STX8: variants seen among roughly 807,000 people sequenced by gnomAD.
STX8 encodes syntaxin 8.
In STX8, 23 loss-of-function variants were observed where a neutral mutation model predicts 37.5. The observed-to-expected ratio is 0.61, with a 90% CI of 0.44 to 0.87. STX8 has a LOEUF of 0.87. Ranked by LOEUF, STX8 falls within the 40% of genes least tolerant of loss-of-function variation. The pLI is 0.00. For synonymous variants in STX8, 115 were observed against 99.1 expected, an observed-to-expected ratio of 1.16 and a Z score of -0.95; for missense variants, 313 against 284.7, an observed-to-expected ratio of 1.10 and a Z score of -0.71.
At chr17:9,288,702 A>G (rs1461078745) in intron 7 of STX8, among the ~76,000 whole-genome samples, 1 of 151,446 alleles carries the variant, frequency 6.6e-6, no homozygotes, top group African/African-American at 2.4e-5. Flanking sequence ...AAATAAATAA[A>G]TAAAAGAATT....
At chr17:9,277,322 G>A (rs535747089) in intron 7 of STX8, among the ~76,000 whole-genome samples, 132 of 152,216 alleles carry the variant, frequency 8.7e-4, no homozygotes, top group Non-Finnish European at 1.7e-3. Flanking sequence ...GTGGATGGAG[G>A]TATAAGAGAA....
chr17:9,307,797 C>G (rs1909053329), intron 7 of STX8, among the ~76,000 whole-genome samples: 1 of 152,088 alleles, frequency 6.6e-6, no homozygotes, highest in South Asian at 2.1e-4. Flanking sequence ...TTTCCTGCCC[C>G]TCTTTGTCCT....
intron 7 of STX8, among the ~76,000 whole-genome samples, chr17:9,302,982 T>C (rs1305762048): frequency 1.5e-5 from 2 of 131,956 alleles, no homozygotes; most frequent in Non-Finnish European, 3.1e-5. Context: ...TTAGATCTAA[T>C]ATAGATTAAA....
intron 4 of STX8, among the ~76,000 whole-genome samples, chr17:9,527,395 G>C (rs1468525072): frequency 1.3e-5 from 2 of 151,338 alleles, no homozygotes; most frequent in Non-Finnish European, 2.9e-5. Flanking sequence ...AGTGAGCTGT[G>C]ATCTCACCAC....
At chr17:9,318,996 TAA>T (rs1162782063) in intron 7 of STX8, among the ~76,000 whole-genome samples, 1 of 152,010 alleles carries the variant, frequency 6.6e-6, no homozygotes, top group African/African-American at 2.4e-5. Flanking sequence ...GGAAAATCAA[TAA>T]AGAGTAAATG....
intron 6 of STX8, among the ~76,000 whole-genome samples, chr17:9,458,574 A>G (rs929527878): frequency 6.6e-6 from 1 of 152,226 alleles, no homozygotes; most frequent in Admixed American, 6.5e-5. Context: ...GAGAAGACCA[A>G]TGCATGACTT....
chr17:9,538,933 G>C (rs1285456206), intron 4 of STX8, among the ~76,000 whole-genome samples: 1 of 152,088 alleles, frequency 6.6e-6, no homozygotes, highest in African/African-American at 2.4e-5. Context: ...CGAATATAAA[G>C]GGCGGGAGGG....
chr17:9,490,762 T>C (rs928236317), intron 6 of STX8, among the ~76,000 whole-genome samples: 1 of 152,202 alleles, frequency 6.6e-6, no homozygotes, highest in African/African-American at 2.4e-5. Context: ...CTACTTTGTC[T>C]TCTTTAGAGA....
chr17:9,362,952 T>C (rs1911115314), intron 7 of STX8, among the ~76,000 whole-genome samples: 1 of 152,118 alleles, frequency 6.6e-6, no homozygotes, highest in Non-Finnish European at 1.5e-5. Context: ...AAGGTAAAAG[T>C]CTCTATTCAG....
At chr17:9,546,355 C>T (rs1455584761) in intron 3 of STX8, among the ~76,000 whole-genome samples, 2 of 150,610 alleles carry the variant, frequency 1.3e-5, no homozygotes, top group Non-Finnish European at 2.9e-5. Context: ...TAGTCTCTAA[C>T]ATCTTTTCCA....
intron 3 of STX8, chr17:9,554,251 CTCTG>C (rs1336953107): frequency 6.6e-6 from 1 of 151,960 alleles, no homozygotes; most frequent in African/African-American, 2.4e-5. Context: ...CAGAGCGAGA[CTCTG>C]TCTAAAACAA....
intron 6 of STX8, among the ~76,000 whole-genome samples, chr17:9,475,543 C>T (rs898550683): frequency 2.0e-5 from 3 of 152,068 alleles, no homozygotes; most frequent in East Asian, 1.9e-4. Flanking sequence ...CAGTACTTGC[C>T]CCCAGCTGGA....
intron 6 of STX8, among the ~76,000 whole-genome samples, chr17:9,467,635 G>T (rs1905671892): frequency 6.6e-6 from 1 of 152,206 alleles, no homozygotes; most frequent in South Asian, 2.1e-4. Context: ...ACCAAACCAT[G>T]GCTTCCATGC....
At chr17:9,460,694 C>CAA (rs1402143119) in intron 6 of STX8, among the ~76,000 whole-genome samples, 8 of 139,238 alleles carry the variant, frequency 5.7e-5, no homozygotes, top group Admixed American at 7.4e-5. Context: ...AAAAACAAAA[C>CAA]AAAACTACTA....
intron 2 of STX8, among the ~76,000 whole-genome samples, chr17:9,557,790 G>C (rs1228230453): frequency 6.6e-6 from 1 of 152,158 alleles, no homozygotes; most frequent in Non-Finnish European, 1.5e-5. Context: ...ATACTGACTA[G>C]AAACTGTCAG....
chr17:9,427,324 T>G (rs1159729649), intron 6 of STX8, among the ~76,000 whole-genome samples: 1 of 152,152 alleles, frequency 6.6e-6, no homozygotes, highest in African/African-American at 2.4e-5. Context: ...AACCCGAGTC[T>G]GCTGTGTGAT....
intron 6 of STX8, among the ~76,000 whole-genome samples, chr17:9,429,737 A>T (rs12938547): frequency 1.0e-3 from 31 of 29,866 alleles, no homozygotes; most frequent in Non-Finnish European, 1.7e-3. Context: ...ATATTATATT[A>T]TATATTATAT....
intron 6 of STX8, among the ~76,000 whole-genome samples, chr17:9,414,085 T>TCAA (rs1913081937): frequency 2.6e-5 from 1 of 38,670 alleles, no homozygotes; most frequent in African/African-American, 1.5e-4. Flanking sequence ...CATCTGTCCA[T>TCAA]CCATCCATCC....
rs2142518612 is a variant in STX8, at chr17:9,517,896, AAAAACACGAATGAG to A, written c.324-12748_324-12735del. ...ATGGTAAGGCATTCCAAGAAAAGGC[AAAAACACGAATGAG>A]TCTCCAGGACCAGGAATGTGTACCA... On this transcript the variant is annotated intron_variant, in intron 4 of 7. Transcript: ENST00000306357. Among the ~76,000 whole-genome samples, 4 of 152,224 alleles carry A rather than the reference AAAAACACGAATGAG, an allele frequency of 2.6e-5. No homozygotes were observed. The East Asian group carries it at 7.7e-4, about 29-fold the overall frequency.
Sources: allele counts gnomAD v4.1 joint callset (sites outside exome capture counted in the v4.1 genomes callset), GRCh38; gene constraint gnomAD v4.1.1; transcripts MANE v1.5; gene names NCBI Gene and HGNC (gene_info 2026-07-23, HGNC 2026-07-21).